TASP1: variants seen among roughly 807,000 people sequenced by gnomAD.
TASP1 encodes the protein taspase 1.
In TASP1, 16 loss-of-function variants were observed where a neutral mutation model predicts 56.6. The observed-to-expected ratio is 0.28, with a 90% CI of 0.19 to 0.43. The LOEUF (loss-of-function observed/expected upper bound fraction) is 0.43. Among genes scored for constraint, TASP1 ranks in the 20% least tolerant of loss-of-function variants. TASP1 has a pLI of 1.00. For missense variants in TASP1, 393 were observed against 511.6 expected (o/e 0.77, Z 2.24); for synonymous variants, 179 against 184.2 (o/e 0.97, Z 0.23).
the TASP1 span, among the ~76,000 whole-genome samples, chr20:13,186,245 A>C: frequency 6.6e-6 from 1 of 152,198 alleles, no homozygotes; most frequent in Non-Finnish European, 1.5e-5. Context: ...GGTATAGGAA[A>C]AGTAATCCTT....
intron 6 of TASP1, among the ~76,000 whole-genome samples, chr20:13,574,182 C>T (rs2046819290): frequency 6.6e-6 from 1 of 151,762 alleles, no homozygotes; most frequent in Non-Finnish European, 1.5e-5. Context: ...CTCCTGCTCC[C>T]ACCAGCCAAA....
chr20:13,375,767 A>T, the TASP1 span, among the ~76,000 whole-genome samples: 1 of 152,168 alleles, frequency 6.6e-6, no homozygotes, highest in Non-Finnish European at 1.5e-5. Context: ...CTTCTTAATG[A>T]TTGCCATTCT....
chr20:13,373,424 T>C, the TASP1 span, among the ~76,000 whole-genome samples: 1 of 151,672 alleles, frequency 6.6e-6, no homozygotes, highest in East Asian at 1.9e-4. Context: ...GTATTTATGA[T>C]AAGGCAGGTC....
the TASP1 span, among the ~76,000 whole-genome samples, chr20:13,382,161 G>A: frequency 2.6e-5 from 4 of 152,176 alleles, no homozygotes; most frequent in African/African-American, 4.8e-5. Flanking sequence ...AAGTTGGGGG[G>A]CAGGGAGTGG....
chr20:13,305,929 A>G, the TASP1 span, among the ~76,000 whole-genome samples: 2 of 152,350 alleles, frequency 1.3e-5, no homozygotes, highest in Non-Finnish European at 1.5e-5. Flanking sequence ...ATCCTCAACC[A>G]TTTTAGTGGC....
intron 1 of TASP1, among the ~76,000 whole-genome samples, chr20:13,638,497 T>C (rs528952177): frequency 2.2e-4 from 33 of 152,220 alleles, no homozygotes; most frequent in African/African-American, 7.5e-4. Context: ...AGTAAGGGGC[T>C]GCCTTACCCC....
the TASP1 span, among the ~76,000 whole-genome samples, chr20:13,308,139 A>G: frequency 5.3e-5 from 8 of 152,126 alleles, no homozygotes. Context: ...GTTTAACTCA[A>G]TACGTGCATA....
At chr20:13,332,611 G>A in the TASP1 span, among the ~76,000 whole-genome samples, 2 of 152,118 alleles carry the variant, frequency 1.3e-5, no homozygotes, top group Non-Finnish European at 2.9e-5. Context: ...GACTGTTTTT[G>A]TTTTACTTAT....
the TASP1 span, among the ~76,000 whole-genome samples, chr20:13,300,948 A>G: frequency 6.6e-6 from 1 of 152,226 alleles, no homozygotes; most frequent in African/African-American, 2.4e-5. Flanking sequence ...TCCACAGAAA[A>G]TTCTGCAATT....
the TASP1 span, among the ~76,000 whole-genome samples, chr20:13,220,630 G>T: frequency 2.0e-5 from 3 of 152,348 alleles, no homozygotes; most frequent in South Asian, 6.2e-4. Context: ...CGAACGCCTA[G>T]AGAGTCGGAC....
At chr20:13,307,210 T>G in the TASP1 span, among the ~76,000 whole-genome samples, 1 of 152,174 alleles carries the variant, frequency 6.6e-6, no homozygotes. Context: ...TCCCATCCCC[T>G]CGGCCACACA....
At chr20:13,568,897 A>T (rs1418170988) in intron 7 of TASP1, among the ~76,000 whole-genome samples, 2 of 152,184 alleles carry the variant, frequency 1.3e-5, no homozygotes, top group Non-Finnish European at 2.9e-5. Context: ...GTTAAAAGGG[A>T]ACAAATTTAA....
At chr20:13,521,971 T>C (rs2044778228) in intron 10 of TASP1, among the ~76,000 whole-genome samples, 1 of 152,130 alleles carries the variant, frequency 6.6e-6, no homozygotes, top group Admixed American at 6.6e-5. Flanking sequence ...AGGTGACTCA[T>C]TTGAATAAAG....
At chr20:13,335,523 A>G in the TASP1 span, among the ~76,000 whole-genome samples, 2 of 152,198 alleles carry the variant, frequency 1.3e-5, no homozygotes, top group African/African-American at 4.8e-5. Flanking sequence ...ACTCTTGAAT[A>G]TAAACATACC....
At chr20:13,157,854 G>A in the TASP1 span, among the ~76,000 whole-genome samples, 1 of 152,140 alleles carries the variant, frequency 6.6e-6, no homozygotes, top group East Asian at 1.9e-4. Context: ...AATTGTATAA[G>A]CCACTGTGGA....
chr20:13,201,754 C>CT, the TASP1 span, among the ~76,000 whole-genome samples: 565 of 138,598 alleles, frequency 4.1e-3, 2 homozygotes, highest in Middle Eastern at 0.015. Context: ...AGATGGTAAA[C>CT]TTTTTTTTTT....
rs551936159 is a variant in TASP1, at chr20:13,397,723, T to C, written c.1171-7271A>G. Among the ~76,000 whole-genome samples, 23 of 152,344 alleles carry C rather than the reference T, an allele frequency of 1.5e-4. No homozygotes were observed. The South Asian group carries it at 3.7e-3, about 25-fold the overall frequency. The stretch of plus-strand genomic sequence containing the variant: ...TCGGTTTGAGCCTCAACTCTGCTGT[T>C]GATAGATTGGATAGTTTCTGGATCG... On this transcript the variant is annotated intron_variant, in intron 13 of 13. Transcript: ENST00000337743.
chr20:13,239,984 A>G, the TASP1 span, among the ~76,000 whole-genome samples: 1 of 152,228 alleles, frequency 6.6e-6, no homozygotes, highest in Non-Finnish European at 1.5e-5. Context: ...ATCCTGCTAC[A>G]TGGTGGTTGC....
At chr20:13,285,871 G>A in the TASP1 span, among the ~76,000 whole-genome samples, 1 of 152,190 alleles carries the variant, frequency 6.6e-6, no homozygotes, top group African/African-American at 2.4e-5. Context: ...AAAGTTCAGG[G>A]GTGATGTCTC....
Sources: allele counts gnomAD v4.1 joint callset (sites outside exome capture counted in the v4.1 genomes callset), GRCh38; gene constraint gnomAD v4.1.1; transcripts MANE v1.5; gene names NCBI Gene and HGNC (gene_info 2026-07-23, HGNC 2026-07-21).